The following PDLIM5 variants were observed in gnomAD, a reference collection of about 807,000 sequenced individuals.
PDLIM5 encodes the protein PDZ and LIM domain protein 5.
PDLIM5 carries 34 observed loss-of-function variants against 64.2 expected under a neutral mutation model. The ratio of observed to expected loss-of-function variants is 0.53; its 90% CI spans 0.40 to 0.71. The LOEUF is 0.71. Among genes scored for constraint, PDLIM5 ranks in the 30% least tolerant of loss-of-function variants. The pLI is 0.00. For missense variants in PDLIM5, 683 were observed against 733.6 expected (o/e 0.93, Z 0.80); for synonymous variants, 253 against 269.1 (o/e 0.94, Z 0.59).
intron 2 of PDLIM5, among the ~76,000 whole-genome samples, chr4:94,479,330 C>CTTTTT (rs34176254): frequency 7.6e-6 from 1 of 130,980 alleles, no homozygotes; most frequent in African/African-American, 2.9e-5. Flanking sequence ...AGCTTTGAGA[C>CTTTTT]TTTTTTTTTT....
At position 94,575,680 on chromosome 4, in the gene PDLIM5, C is replaced by G. The variant is rs116676966; in HGVS notation, c.356C>G (p.Ser119Cys). The change falls in exon 5 of 13, where the codon TCC (serine) becomes TGC (cysteine). Residue 119 changes from serine to cysteine, a missense_variant. Transcript: ENST00000317968. ...TCTCCTGCTGTGTCCAAAGTCACTT[C>G]CACAAACAACATGGCCTACAATAAG... is the stretch of plus-strand genomic sequence containing the variant. ...ITSPAVSKVTSTNNMAYNKAP... is the reference protein window; with the variant it reads ...ITSPAVSKVTCTNNMAYNKAP... 861 of 1,612,808 alleles carry G rather than the reference C, an allele frequency of 5.3e-4. 5 individuals carry two copies. The African/African-American group carries it at 0.011, about 20-fold the overall frequency.
intron 7 of PDLIM5, chr4:94,586,887 G>A (rs1736252875): frequency 9.4e-7 from 1 of 1,065,306 alleles, no homozygotes; most frequent in Non-Finnish European, 1.3e-6. Flanking sequence ...CTTTTATAAG[G>A]CATGTTTTCT....
rs563811287 is a variant in PDLIM5 at position 94,657,357 on chromosome 4, A to G, written c.1465-70A>G. On this transcript the variant is annotated intron_variant, in intron 10 of 12. Transcript: ENST00000317968. ...GCTCTACAGGGATTTACTGGTACAG[A>G]TATTAGAATAAACATTTATGTATTT... The G allele has an allele frequency of 2.2e-5, 25 of 1,112,538 alleles. No individual in the cohort carries two copies. The East Asian group carries it at 2.6e-4, about 12-fold the overall frequency. The allele number at this position is 1,112,538 out of a possible 1,614,324, so 68.9% of individuals were successfully genotyped here. A position where few individuals can be genotyped will look rare whatever the true frequency, so the allele number is the denominator to read the frequency against.
intron 5 of PDLIM5, chr4:94,582,818 T>C: frequency 1.2e-6 from 1 of 831,168 alleles, no homozygotes; most frequent in African/African-American, 1.7e-5. Flanking sequence ...CAAATTTTGT[T>C]AGGATTTTCT....
chr4:94,457,553 AC>A (rs377299285), intron 2 of PDLIM5, among the ~76,000 whole-genome samples: 3 of 152,236 alleles, frequency 2.0e-5, no homozygotes, highest in Admixed American at 6.5e-5. Context: ...TTAAATGCTT[AC>A]TTTTTTGCTG....
chr4:94,526,235 A>G (rs947605990), intron 3 of PDLIM5, among the ~76,000 whole-genome samples: 2 of 152,212 alleles, frequency 1.3e-5, no homozygotes, highest in African/African-American at 2.4e-5. Flanking sequence ...TCTGAGCCCC[A>G]TAAGAGTAGA....
Position 94,665,656 on chromosome 4 carries a change from A to G in PDLIM5, c.*1589A>G. The G allele has an allele frequency of 9.6e-7, 1 of 1,041,986 alleles. No individual in the cohort carries two copies. Among genetic ancestry groups the G allele is most frequent in the Non-Finnish European group, 1.2e-6 (1 of 866,902 alleles). 64.5% of individuals were successfully genotyped at this position (1,041,986 alleles called of 1,614,324 possible). On this transcript the variant is annotated 3_prime_UTR_variant, in exon 13 of 13. Coordinates refer to ENST00000317968, the MANE Select transcript of PDLIM5 (RefSeq NM_006457.5). ...TGCCACTGGCTGATGAAGAGTTGAG[A>G]GGTCTCTTTGCAGAATGATCTTTTT...
Position 94,665,082 on chromosome 4 carries a change from G to T in PDLIM5, c.*1015G>T, listed in dbSNP as rs931770639. Reference sequence around the variant, plus strand: ...AAATGTGATTGTTTCTATTCATTGTGTATGCTTCATCACCTATATTAGGCA... The same window carrying T: ...AAATGTGATTGTTTCTATTCATTGTTTATGCTTCATCACCTATATTAGGCA... On this transcript the variant is annotated 3_prime_UTR_variant, in exon 13 of 13. Coordinates refer to ENST00000317968, the MANE Select transcript of PDLIM5 (RefSeq NM_006457.5). The T allele has an allele frequency of 1.3e-5, 13 of 964,602 alleles. No individual in the cohort carries two copies. The highest frequency in any genetic ancestry group is 1.5e-5 in the Non-Finnish European group (12 of 811,288). The allele number at this position is 964,602 out of a possible 1,614,324, so 59.8% of individuals were successfully genotyped here. A position where few individuals can be genotyped will look rare whatever the true frequency, so the allele number is the denominator to read the frequency against.
At chr4:94,456,121 A>C (rs1723327773) in intron 2 of PDLIM5, 1 of 640,966 alleles carries the variant, frequency 1.6e-6, no homozygotes, top group Non-Finnish European at 2.4e-6. Context: ...CTATTATATA[A>C]GTTTCTAAAA....
intron 3 of PDLIM5, among the ~76,000 whole-genome samples, chr4:94,532,680 A>C (rs531840663): frequency 6.6e-6 from 1 of 152,258 alleles, no homozygotes; most frequent in East Asian, 1.9e-4. Flanking sequence ...TGAGTTGATC[A>C]CAACCCTCAC....
intron 8 of PDLIM5, among the ~76,000 whole-genome samples, chr4:94,628,522 C>CTT: frequency 6.8e-6 from 1 of 147,152 alleles, no homozygotes; most frequent in East Asian, 2.0e-4. Flanking sequence ...TAAAATATCT[C>CTT]TTTTTTTTTT....
intron 9 of PDLIM5, among the ~76,000 whole-genome samples, chr4:94,648,935 G>A (rs1741628244): frequency 1.3e-5 from 2 of 152,060 alleles, no homozygotes; most frequent in Non-Finnish European, 2.9e-5. Flanking sequence ...TTGATTAACA[G>A]TATCCACTGA....
At chr4:94,513,824 A>G (rs935266201) in intron 2 of PDLIM5, among the ~76,000 whole-genome samples, 2 of 152,168 alleles carry the variant, frequency 1.3e-5, no homozygotes, top group Non-Finnish European at 2.9e-5. Context: ...AAAGGTTTTC[A>G]GTTTTTCCCC....
chr4:94,509,490 C>A (rs1728678244), intron 2 of PDLIM5, among the ~76,000 whole-genome samples: 1 of 152,136 alleles, frequency 6.6e-6, no homozygotes, highest in Non-Finnish European at 1.5e-5. Context: ...CCTACAACAG[C>A]CTAGCACTTA....
intron 9 of PDLIM5, among the ~76,000 whole-genome samples, chr4:94,647,639 A>G (rs1226451913): frequency 3.3e-5 from 5 of 152,208 alleles, no homozygotes; most frequent in Non-Finnish European, 7.4e-5. Flanking sequence ...ACAACACTAA[A>G]TACCAAGTAT....
chr4:94,640,235 G>A (rs371632640), intron 8 of PDLIM5, 41 bp from the exon 9 acceptor site: 269 of 1,103,124 alleles, frequency 2.4e-4, no homozygotes, highest in Non-Finnish European at 3.3e-4. Flanking sequence ...AGGTTTATAT[G>A]TGGCTTATTC....
At chr4:94,620,431 G>T (rs953864236) in intron 8 of PDLIM5, among the ~76,000 whole-genome samples, 1 of 152,048 alleles carries the variant, frequency 6.6e-6, no homozygotes, top group Non-Finnish European at 1.5e-5. Flanking sequence ...CAGATACTTG[G>T]GAGGCTGAGG....
intron 3 of PDLIM5, among the ~76,000 whole-genome samples, chr4:94,534,968 A>G (rs1347165902): frequency 1.3e-5 from 2 of 152,206 alleles, no homozygotes; most frequent in Non-Finnish European, 1.5e-5. Flanking sequence ...GGAAATAGAG[A>G]TAAGAATGAA....
chr4:94,528,807 A>G (rs778401975), intron 3 of PDLIM5, among the ~76,000 whole-genome samples: 2 of 152,250 alleles, frequency 1.3e-5, no homozygotes, highest in Non-Finnish European at 2.9e-5. Context: ...GGAAAAATAA[A>G]GCATGTGAGG....
Sources: gnomAD v4.1 joint callset for allele counts (sites outside exome capture counted in the v4.1 genomes callset) on GRCh38, gnomAD v4.1.1 for gene constraint, MANE v1.5 for transcripts, NCBI Gene and HGNC (gene_info 2026-07-23, HGNC 2026-07-21) for gene names.